ERN2: variants seen among roughly 807,000 people sequenced by gnomAD.
ERN2 encodes the protein endoplasmic reticulum to nucleus signaling 2, also known as serine/threonine-protein kinase/endoribonuclease IRE2.
ERN2 carries 111 observed loss-of-function variants against 107.9 expected under a neutral mutation model. That is an observed-to-expected ratio of 1.03 (90% confidence interval 0.88 to 1.20). ERN2 has a LOEUF of 1.20. Ranked by LOEUF, ERN2 falls within the 50% of genes most tolerant of loss-of-function variation. The pLI is 0.00. For missense variants in ERN2, 1,225 were observed against 1,197.9 expected (o/e 1.02, Z -0.33); for synonymous variants, 524 against 501.7 (o/e 1.04, Z -0.59).
rs767538841 is a variant in ERN2 at position 23,702,509 on chromosome 16, T to A, written c.962A>T (p.Asp321Val). 1.9e-6 allele frequency: 3 copies of A among 1,613,984 alleles called. No homozygotes were observed. The highest frequency in any genetic ancestry group is 2.5e-6 in the Non-Finnish European group (3 of 1,180,026). ...VPRGLTLAPADGPTTDEVTLQ... is the reference protein window; with the variant it reads ...VPRGLTLAPAVGPTTDEVTLQ... Reference sequence around the variant, plus strand: ...TGTCACCTCATCTGTGGTGGGGCCATCTGCGGGGGCCAGGGTCAGTCCACG... The same window carrying A: ...TGTCACCTCATCTGTGGTGGGGCCAACTGCGGGGGCCAGGGTCAGTCCACG... The change falls in exon 10 of 22, where the codon GAT becomes GTT. Residue 321 changes from aspartate to valine, a missense_variant. By Grantham distance (152) the Asp-to-Val change is radical. Transcript: ENST00000256797.
intron 17 of ERN2, among the ~76,000 whole-genome samples, chr16:23,693,156 C>T (rs890244563): frequency 6.6e-6 from 1 of 151,776 alleles, no homozygotes; most frequent in Non-Finnish European, 1.5e-5. Context: ...TAGCTGGGTG[C>T]CATGTTGTGT....
rs577611617 is a variant in ERN2, at chr16:23,701,849, TG to T, written c.1203+302del. 2.7e-3 allele frequency among the ~76,000 whole-genome samples: 409 copies of T among 152,208 alleles called. 6 individuals are homozygous for T. Among genetic ancestry groups the T allele is most frequent in the African/African-American group, 8.9e-3 (370 of 41,518 alleles). On this transcript the variant is annotated intron_variant, in intron 11 of 21. Coordinates refer to ENST00000256797, the MANE Select transcript of ERN2 (RefSeq NM_033266.4). ...TGGGGTCTTGTTATATTACCCAGGC[TG>T]GTCTCAAACTCCTGACCTCAAGCCA...
chr16:23,691,432 C>T lies in ERN2; in HGVS notation c.2377-7G>A, dbSNP rs370324902. ...CCAGCCAGTCACTGACGTCCTGGGG[C>T]CCAGAGAGCTCCTGAGCCTTGTGAC... On this transcript the variant is annotated splice_polypyrimidine_tract_variant and splice_region_variant and intron_variant, in intron 19 of 21. Transcript: ENST00000256797. 8 of 1,597,860 alleles carry T rather than the reference C, an allele frequency of 5.0e-6. No individual in the cohort carries two copies. The highest frequency in any genetic ancestry group is 6.8e-6 in the Non-Finnish European group (8 of 1,179,280).
At chr16:23,698,569 TTGTTTTTTGTG>T (rs1959919554) in intron 13 of ERN2, among the ~76,000 whole-genome samples, 1 of 152,124 alleles carries the variant, frequency 6.6e-6, no homozygotes, top group South Asian at 2.1e-4. Context: ...GTTTTTGTTT[TTGTTTTTTGTG>T]GGTTTTTTGT....
Position 23,713,147 on chromosome 16 carries a change from A to T in ERN2, c.41T>A (p.Leu14Gln). 4.4e-6 allele frequency: 7 copies of T among 1,574,594 alleles called. No individual in the cohort carries two copies. Among genetic ancestry groups the T allele is most frequent in the Non-Finnish European group, 6.0e-6 (7 of 1,166,010 alleles). Residue 14 changes from leucine (L) to glutamine (Q), a missense_variant, in exon 1 of 22, where the codon CTG becomes CAG. By Grantham distance (113) the Leu-to-Gln change is moderately radical. Coordinates refer to ENST00000256797, the MANE Select transcript of ERN2 (RefSeq NM_033266.4). ...CGCCGCGAACTGGAGCTGGAGCCCC[A>T]GCCGGGGCCACGGCCTCGACCCCCT... is the stretch of plus-strand genomic sequence containing the variant. ...AVRGSRPWPR[L>Q]GLQLQFAALL... is the part of the protein sequence containing the mutation.
intron 13 of ERN2, among the ~76,000 whole-genome samples, chr16:23,696,501 G>A (rs758066241): frequency 1.3e-5 from 2 of 152,210 alleles, no homozygotes; most frequent in African/African-American, 2.4e-5. Flanking sequence ...AGAGTGATGA[G>A]AGTGAGTATA....
At chr16:23,704,767 G>T in intron 8 of ERN2, 116 bp downstream of exon 8, 2 of 1,152,316 alleles carry the variant, frequency 1.7e-6, no homozygotes, top group Non-Finnish European at 2.5e-6. Context: ...GAAATGTTTT[G>T]ACCCCTGGTT....
intron 1 of ERN2, chr16:23,711,978 G>A (rs1458585916): frequency 3.6e-5 from 15 of 418,054 alleles, no homozygotes; most frequent in African/African-American, 2.9e-4. Context: ...TACATCTGGC[G>A]ATCCTGGGCT....
chr16:23,705,357 C>T (rs1366848033), intron 7 of ERN2, among the ~76,000 whole-genome samples: 1 of 152,140 alleles, frequency 6.6e-6, no homozygotes, highest in Non-Finnish European at 1.5e-5. Context: ...GTGTGGGAGT[C>T]AGTTTGGGTC....
In ERN2 at chr16:23,702,406, G is replaced by A. The variant is rs201668250; in HGVS notation, c.1065C>T (p.Ser355=). The A allele has an allele frequency of 2.0e-4, 319 of 1,613,472 alleles. No individual in the cohort carries two copies. The highest frequency in any genetic ancestry group is 2.6e-4 in the Non-Finnish European group (309 of 1,179,910). Residue 355 remains serine (S), a synonymous_variant, in exon 10 of 22, where the codon AGC becomes AGT. Transcript: ENST00000256797. ...RYPSGSVALP[S]QWLLIGHHEL... is the part of the protein sequence containing the mutation. ...GGATCTCACCAATGAGCAGCCACTG[G>A]CTTGGGAGGGCCACACTGCCTGAGG...
At position 23,690,766 on chromosome 16, in the gene ERN2, C is replaced by T; in HGVS notation, c.*65G>A. Reference sequence around the variant, plus strand: ...CACTGCACCCAGCCTGATTCTGAGGCCAGCCACAGGCTCAGCTCTTCAGTG... The same window carrying T: ...CACTGCACCCAGCCTGATTCTGAGGTCAGCCACAGGCTCAGCTCTTCAGTG... On this transcript the variant is annotated 3_prime_UTR_variant, in exon 22 of 22. Transcript: ENST00000256797. The T allele has an allele frequency of 3.4e-6, 4 of 1,171,352 alleles. No individual in the cohort carries two copies. The highest frequency in any genetic ancestry group is 4.7e-6 in the Non-Finnish European group (4 of 842,806). The allele number at this position is 1,171,352 out of a possible 1,614,324, so 72.6% of individuals were successfully genotyped here. A position where few individuals can be genotyped will look rare whatever the true frequency, so the allele number is the denominator to read the frequency against.
chr16:23,705,064 G>T lies in ERN2; in HGVS notation c.673C>A (p.Leu225Met), dbSNP rs201823597. ...TAGACGCCCATCACAGGCACGCCCA[G>T]GTCCTGTGTCCACAGCACCGTCCCG... ...GSGTVLWTQD[L>M]GVPVMGVYTW... The change falls in exon 8 of 22, where the codon CTG becomes ATG. Residue 225 changes from leucine (L) to methionine (M), a missense_variant. Physicochemically the swap from Leu to Met is conservative, Grantham distance 15. Transcript: ENST00000256797. 1.2e-6 allele frequency: 2 copies of T among 1,613,992 alleles called. No homozygotes were observed.
Position 23,691,138 on chromosome 16 carries a change from C to T in ERN2, c.2559G>A (p.Val853=), listed in dbSNP as rs768466483. Residue 853 remains valine, a synonymous_variant, in exon 21 of 22, where the codon GTG becomes GTA. Transcript: ENST00000256797. ...GTSVRDLLRA[V]RNKKHHYREL... is the part of the protein sequence containing the mutation. ...AGGCCCCAACACATACCTTGTTCCTCACAGCACGGAGCAGGTCTCGCACTG... is the reference window on the plus strand; with the variant it reads ...AGGCCCCAACACATACCTTGTTCCTTACAGCACGGAGCAGGTCTCGCACTG... 4.3e-6 allele frequency: 7 copies of T among 1,614,060 alleles called. No individual in the cohort carries two copies. In the East Asian group the frequency reaches 1.1e-4, roughly 26 times the overall value.
intron 17 of ERN2, among the ~76,000 whole-genome samples, chr16:23,692,813 A>G (rs949101823): frequency 6.6e-6 from 1 of 151,986 alleles, no homozygotes; most frequent in African/African-American, 2.4e-5. Flanking sequence ...TGTAACCTCA[A>G]ACTCCTGGGC....
chr16:23,697,896 C>T (rs770278008), intron 13 of ERN2, among the ~76,000 whole-genome samples: 3 of 151,922 alleles, frequency 2.0e-5, no homozygotes, highest in African/African-American at 4.8e-5. Flanking sequence ...AGCTGGATTA[C>T]AGGCATGTGC....
At chr16:23,710,693 A>T (rs564195475) in intron 2 of ERN2, 144 bp from the exon 3 acceptor site, 1 of 1,027,988 alleles carries the variant, frequency 9.7e-7, no homozygotes, top group Admixed American at 1.8e-5. Flanking sequence ...ACTCTGTCAG[A>T]TAGGGTCATA....
rs1403381536 is a variant in ERN2, at chr16:23,692,082, C to T, written c.2257G>A (p.Val753Ile). Residue 753 changes from valine (V) to isoleucine (I), a missense_variant, in exon 19 of 22, where the codon GTT becomes ATT. Val to Ile is a conservative substitution (Grantham distance 29). Transcript: ENST00000256797. ...ATGGCTCCAACCAGGTCCCGGGCAA[C>T]CACCTTGTCTGGAGGATGGAAGAGG... ...HLEEEVHDKVVARDLVGAMLS... is the reference protein window; with the variant it reads ...HLEEEVHDKVIARDLVGAMLS... The T allele has an allele frequency of 5.6e-6, 9 of 1,613,794 alleles. No homozygotes were observed. In the African/African-American group the frequency reaches 6.7e-5, roughly 12 times the overall value.
At chr16:23,694,286 C>T (rs765427893) in intron 17 of ERN2, among the ~76,000 whole-genome samples, 48 of 152,296 alleles carry the variant, frequency 3.2e-4, no homozygotes, top group Non-Finnish European at 5.6e-4. Context: ...CGTGAGCCAC[C>T]GCACCCGGCA....
rs747199691 is a variant in ERN2 at position 23,691,236 on chromosome 16, GACTCCCCTCCACCGCCCAGGCCC to G, written c.2500+43_2501-41del. The G allele has an allele frequency of 3.1e-4, 501 of 1,613,202 alleles. 3 individuals carry two copies. Among genetic ancestry groups the G allele is most frequent in the Admixed American group, 4.8e-4 (29 of 59,988 alleles). ...TTCAGTGGCAAAACCGTCCCTGCTA[GACTCCCCTCCACCGCCCAGGCCC>G]ACTCCCCTCCACCGCCCAGGCCCAC... On this transcript the variant is annotated intron_variant, in intron 20 of 21. Coordinates refer to ENST00000256797, the MANE Select transcript of ERN2 (RefSeq NM_033266.4).
Sources: gnomAD v4.1 joint callset for allele counts (sites outside exome capture counted in the v4.1 genomes callset) on GRCh38, gnomAD v4.1.1 for gene constraint, MANE v1.5 for transcripts, NCBI Gene and HGNC (gene_info 2026-07-23, HGNC 2026-07-21) for gene names.